Variants in PPP3CA observed in about 807,000 individuals in gnomAD.
PPP3CA encodes the protein CAM-PRP catalytic subunit.
PPP3CA carries 14 observed loss-of-function variants against 66.5 expected under a neutral mutation model. The observed-to-expected ratio is 0.21, with a 90% confidence interval of 0.14 to 0.33. The LOEUF is 0.33. PPP3CA is among the 10% of genes least tolerant of loss of function. PPP3CA has a pLI of 1.00. For missense variants in PPP3CA, 317 were observed against 639.5 expected, an observed-to-expected ratio of 0.50 and a Z score of 5.44; for synonymous variants, 232 against 226.2, an observed-to-expected ratio of 1.03 and a Z score of -0.23.
chr4:101,026,512 GTA>G (rs1192861635), intron 13 of PPP3CA, among the ~76,000 whole-genome samples: 3 of 152,148 alleles, frequency 2.0e-5, no homozygotes, highest in Non-Finnish European at 4.4e-5. Flanking sequence ...AGTGGAATCA[GTA>G]TGTTTGCTAT....
At chr4:101,055,115 TA>T (rs201769476) in intron 10 of PPP3CA, among the ~76,000 whole-genome samples, 1,708 of 152,212 alleles carry the variant, frequency 0.011, 19 homozygotes, top group Non-Finnish European at 0.019. Flanking sequence ...TTTTAGGACC[TA>T]AAAGACAGTC....
At chr4:101,216,570 G>A (rs2851000) in intron 1 of PPP3CA, among the ~76,000 whole-genome samples, 128,189 of 152,044 alleles carry the variant, frequency 0.84, 54,744 homozygotes, top group African/African-American at 0.96. Flanking sequence ...ACAGGGTGTC[G>A]CTCTGTTGCC....
chr4:101,126,434 G>C (rs1464385473), intron 2 of PPP3CA, among the ~76,000 whole-genome samples: 1 of 152,094 alleles, frequency 6.6e-6, no homozygotes, highest in African/African-American at 2.4e-5. Flanking sequence ...TTCCACAGTT[G>C]TCATTAATAT....
At chr4:101,296,718 A>T (rs1437479518) in intron 1 of PPP3CA, among the ~76,000 whole-genome samples, 1 of 152,192 alleles carries the variant, frequency 6.6e-6, no homozygotes, top group Non-Finnish European at 1.5e-5. Flanking sequence ...CCCATTTTTT[A>T]AAATAAAAGT....
rs1377077116 is a variant in PPP3CA, at chr4:101,023,723, T to A, written c.*2142A>T. On this transcript the variant is annotated 3_prime_UTR_variant, in exon 14 of 14. Transcript: ENST00000394854. Reference sequence around the variant, plus strand: ...TTGGGATAGTCTTTGCCAGACTGTATCGAGAACATCTTTGTTTGGGTATGC... The same window carrying A: ...TTGGGATAGTCTTTGCCAGACTGTAACGAGAACATCTTTGTTTGGGTATGC... 1 of 152,652 alleles carries A rather than the reference T, an allele frequency of 6.6e-6. No individual in the cohort carries two copies. The highest frequency in any genetic ancestry group is 1.5e-5 in the Non-Finnish European group (1 of 68,032). The allele number at this position is 152,652 out of a possible 1,614,324, so 9.5% of individuals were successfully genotyped here.
At chr4:101,047,284 C>T (rs1451298000) in intron 10 of PPP3CA, among the ~76,000 whole-genome samples, 1 of 152,160 alleles carries the variant, frequency 6.6e-6, no homozygotes, top group Non-Finnish European at 1.5e-5. Flanking sequence ...TAATTGTTTA[C>T]TCTGATGGAA....
intron 11 of PPP3CA, among the ~76,000 whole-genome samples, chr4:101,036,883 C>T (rs1449590933): frequency 6.6e-6 from 1 of 152,204 alleles, no homozygotes; most frequent in African/African-American, 2.4e-5. Flanking sequence ...GGCATCCTAT[C>T]AATGGCATAG....
intron 2 of PPP3CA, among the ~76,000 whole-genome samples, chr4:101,144,685 T>C (rs1193141025): frequency 1.3e-5 from 2 of 152,210 alleles, no homozygotes; most frequent in Non-Finnish European, 2.9e-5. Flanking sequence ...TTATTAACCC[T>C]GTGACTCTAG....
intron 1 of PPP3CA, among the ~76,000 whole-genome samples, chr4:101,305,869 A>T (rs1728519933): frequency 6.8e-6 from 1 of 146,814 alleles, no homozygotes; most frequent in Non-Finnish European, 1.5e-5. Flanking sequence ...TTTAAGGACA[A>T]ATAGGAAAGT....
intron 2 of PPP3CA, among the ~76,000 whole-genome samples, chr4:101,165,909 T>C (rs1246352091): frequency 6.6e-6 from 1 of 152,048 alleles, no homozygotes; most frequent in Non-Finnish European, 1.5e-5. Context: ...AAAAGGAAAG[T>C]AGATGGATGA....
intron 1 of PPP3CA, among the ~76,000 whole-genome samples, chr4:101,257,714 AG>A (rs2110251989): frequency 6.6e-6 from 1 of 152,210 alleles, no homozygotes; most frequent in South Asian, 2.1e-4. Flanking sequence ...GCTGTGTGAA[AG>A]GTGTCAAGCT....
intron 2 of PPP3CA, among the ~76,000 whole-genome samples, chr4:101,150,781 G>A (rs957628192): frequency 6.6e-6 from 1 of 152,006 alleles, no homozygotes; most frequent in African/African-American, 2.4e-5. Flanking sequence ...AATATTAATC[G>A]CTTCCTCCTT....
rs573673346 is a variant in PPP3CA at position 101,242,150 on chromosome 4, T to C, written c.59-46034A>G. 3.3e-5 allele frequency among the ~76,000 whole-genome samples: 5 copies of C among 152,250 alleles called. No homozygotes were observed. The East Asian group carries it at 9.7e-4, about 29-fold the overall frequency. On this transcript the variant is annotated intron_variant, in intron 1 of 13. Coordinates refer to ENST00000394854, the MANE Select transcript of PPP3CA (RefSeq NM_000944.5). ...TTAAAAATGAAATTCTTAAGACTCA[T>C]AGTAGAAACACCTAGATTACATGAA...
At chr4:101,214,880 G>A (rs983381897) in intron 1 of PPP3CA, among the ~76,000 whole-genome samples, 2 of 152,030 alleles carry the variant, frequency 1.3e-5, no homozygotes, top group Non-Finnish European at 2.9e-5. Flanking sequence ...TATAATTAGC[G>A]AGGTCAATTT....
intron 2 of PPP3CA, among the ~76,000 whole-genome samples, chr4:101,161,930 C>A (rs149866918): frequency 1.3e-5 from 2 of 152,076 alleles, no homozygotes; most frequent in Non-Finnish European, 2.9e-5. Context: ...CCTTGATAGT[C>A]CACATCGAGG....
rs200541572 is a variant in PPP3CA, at chr4:101,080,560, T to C, written c.927A>G (p.Pro309=). The C allele has an allele frequency of 1.3e-6, 2 of 1,527,920 alleles. No homozygotes were observed. Among genetic ancestry groups the C allele is most frequent in the Admixed American group, 1.7e-5 (1 of 58,960 alleles). 94.6% of individuals were successfully genotyped at this position (1,527,920 alleles called of 1,614,324 possible). ...TGTTATTGTATACATCTAAGTAATT[T>C]GGTGCTGAAAAAATTGTAATTAGAG... ...FPSLITIFSA[P]NYLDVYNNKA... is the part of the protein sequence containing the mutation. The change falls in exon 8 of 14, where the codon CCA becomes CCG. Residue 309 remains proline (P), a synonymous_variant. Coordinates refer to ENST00000394854, the MANE Select transcript of PPP3CA (RefSeq NM_000944.5).
intron 2 of PPP3CA, among the ~76,000 whole-genome samples, chr4:101,122,724 A>G (rs890193410): frequency 6.6e-6 from 1 of 152,226 alleles, no homozygotes; most frequent in Non-Finnish European, 1.5e-5. Context: ...ACATCTAGAG[A>G]TAAATCAGAG....
Position 101,186,564 on chromosome 4 carries a change from T to C in PPP3CA, c.259+9352A>G, listed in dbSNP as rs146346920. ...TAGTTTTCTAATATATAATAGCTCA[T>C]ATTTCCCATTTTTTATTTTTCATTT... On this transcript the variant is annotated intron_variant, in intron 2 of 13. Coordinates refer to ENST00000394854, the MANE Select transcript of PPP3CA (RefSeq NM_000944.5). Among the ~76,000 whole-genome samples, 257 of 152,310 alleles carry C rather than the reference T, an allele frequency of 1.7e-3. 2 individuals carry two copies. Among genetic ancestry groups the C allele is most frequent in the Non-Finnish European group, 1.9e-3 (129 of 68,026 alleles).
At chr4:101,133,354 C>G (rs183833782) in intron 2 of PPP3CA, among the ~76,000 whole-genome samples, 49 of 152,292 alleles carry the variant, frequency 3.2e-4, no homozygotes, top group African/African-American at 1.2e-3. Context: ...AAAAACACAT[C>G]ATCTCAGCCC....
Sources: allele counts gnomAD v4.1 joint callset (sites outside exome capture counted in the v4.1 genomes callset), GRCh38; gene constraint gnomAD v4.1.1; transcripts MANE v1.5; gene names NCBI Gene and HGNC (gene_info 2026-07-23, HGNC 2026-07-21).